The following COL5A2 variants were observed in gnomAD, a reference collection of about 807,000 sequenced individuals.
The protein encoded by COL5A2 is collagen type V alpha 2 chain.
In COL5A2, 23 loss-of-function variants were observed where a neutral mutation model predicts 208.2. That is an observed-to-expected ratio of 0.11 (90% CI 0.08 to 0.16). COL5A2 has a LOEUF of 0.16. COL5A2 is among the 10% of genes least tolerant of loss of function. COL5A2 has a pLI of 1.00. For synonymous variants in COL5A2, 625 were observed against 628.5 expected (o/e 0.99, Z 0.08); for missense variants, 1,590 against 1,956.4 (o/e 0.81, Z 3.53).
At chr2:189,301,306 C>T in the COL5A2 span, among the ~76,000 whole-genome samples, 40 of 152,138 alleles carry the variant, frequency 2.6e-4, no homozygotes, top group African/African-American at 9.7e-4. Context: ...CAACAATATG[C>T]TTCAAATACA....
chr2:189,348,360 T>C, the COL5A2 span, among the ~76,000 whole-genome samples: 1 of 151,952 alleles, frequency 6.6e-6, no homozygotes, highest in Non-Finnish European at 1.5e-5. Context: ...AGAAAAAAAA[T>C]GGCAAATTAT....
chr2:189,268,829 T>C, the COL5A2 span, among the ~76,000 whole-genome samples: 1 of 152,160 alleles, frequency 6.6e-6, no homozygotes, highest in Non-Finnish European at 1.5e-5. Context: ...TGTGTATCTT[T>C]TGGTCAAGAA....
chr2:189,278,030 G>A, the COL5A2 span, among the ~76,000 whole-genome samples: 1 of 152,102 alleles, frequency 6.6e-6, no homozygotes, highest in Admixed American at 6.6e-5. Context: ...GCCAGCAGCT[G>A]ACACTGAAAG....
the COL5A2 span, among the ~76,000 whole-genome samples, chr2:189,362,274 T>C: frequency 6.6e-6 from 1 of 152,140 alleles, no homozygotes; most frequent in Non-Finnish European, 1.5e-5. Context: ...TAGACAATCA[T>C]ATAATGGCTT....
At chr2:189,130,309 C>T (rs1687686171) in intron 1 of COL5A2, among the ~76,000 whole-genome samples, 1 of 152,018 alleles carries the variant, frequency 6.6e-6, no homozygotes, top group Non-Finnish European at 1.5e-5. Flanking sequence ...ATGAAATAGA[C>T]TTCTAGAAGT....
At chr2:189,277,939 T>G in the COL5A2 span, among the ~76,000 whole-genome samples, 1 of 152,092 alleles carries the variant, frequency 6.6e-6, no homozygotes, top group Admixed American at 6.6e-5. Context: ...AGGAGGTCAA[T>G]AGTGCCCCCA....
chr2:189,053,924 C>G lies in COL5A2; in HGVS notation c.2470G>C (p.Val824Leu). The G allele has an allele frequency of 1.2e-6, 2 of 1,614,050 alleles. No homozygotes were observed. The highest frequency in any genetic ancestry group is 1.7e-6 in the Non-Finnish European group (2 of 1,179,984). ...EKGEPGPRGL[V>L]GPPGSRGNPG... is the part of the protein sequence containing the mutation. Reference sequence around the variant, plus strand: ...TTGCCCCGGGAGCCAGGAGGGCCAACTAAACCTCGAGGACCAGGTTCACCC... The same window carrying G: ...TTGCCCCGGGAGCCAGGAGGGCCAAGTAAACCTCGAGGACCAGGTTCACCC... The change falls in exon 37 of 54, where the codon GTT becomes CTT. Residue 824 changes from valine to leucine, a missense_variant. Val to Leu is a conservative substitution (Grantham distance 32, BLOSUM62 1). Transcript: ENST00000374866.
the COL5A2 span, among the ~76,000 whole-genome samples, chr2:189,301,111 C>A: frequency 6.6e-6 from 1 of 151,980 alleles, no homozygotes; most frequent in African/African-American, 2.4e-5. Context: ...GCTTTGAACC[C>A]AGGAAGTAGA....
At chr2:189,372,542 T>C in the COL5A2 span, among the ~76,000 whole-genome samples, 2 of 152,230 alleles carry the variant, frequency 1.3e-5, no homozygotes, top group East Asian at 3.9e-4. Context: ...AAGAAGTTCA[T>C]CTCTCATTGT....
At chr2:189,206,723 A>G (rs1246234582) in intron 1 of COL5A2, among the ~76,000 whole-genome samples, 2 of 152,066 alleles carry the variant, frequency 1.3e-5, no homozygotes, top group Non-Finnish European at 2.9e-5. Context: ...CTTGAGATCA[A>G]TAAAATATGG....
At chr2:189,156,643 T>C (rs554808746) in intron 1 of COL5A2, among the ~76,000 whole-genome samples, 1 of 152,266 alleles carries the variant, frequency 6.6e-6, no homozygotes, top group Non-Finnish European at 1.5e-5. Context: ...ACATTGATGC[T>C]TTAGTATGAA....
the COL5A2 span, among the ~76,000 whole-genome samples, chr2:189,399,252 A>ATTT: frequency 2.2e-4 from 31 of 140,550 alleles, no homozygotes; most frequent in Admixed American, 1.0e-3. Context: ...TTATTTTACG[A>ATTT]TTTTTTTTTT....
At chr2:189,274,982 T>A in the COL5A2 span, among the ~76,000 whole-genome samples, 1 of 152,160 alleles carries the variant, frequency 6.6e-6, no homozygotes, top group Non-Finnish European at 1.5e-5. Flanking sequence ...ATCTTTTTCT[T>A]TACTTATGAA....
chr2:189,212,964 A>C (rs904118951), intron 1 of COL5A2, among the ~76,000 whole-genome samples: 1 of 151,670 alleles, frequency 6.6e-6, no homozygotes, highest in African/African-American at 2.4e-5. Context: ...TCTGAGCTCA[A>C]TGTAACCTCT....
chr2:189,123,938 A>G (rs1246798107), intron 1 of COL5A2, among the ~76,000 whole-genome samples: 1 of 152,148 alleles, frequency 6.6e-6, no homozygotes, highest in African/African-American at 2.4e-5. Flanking sequence ...TATGTTAGAG[A>G]AAAGATAAGG....
chr2:189,387,278 C>A, the COL5A2 span, among the ~76,000 whole-genome samples: 1 of 151,918 alleles, frequency 6.6e-6, no homozygotes, highest in Non-Finnish European at 1.5e-5. Flanking sequence ...TACACATGGA[C>A]AAAAAGATGG....
chr2:189,151,368 C>CA (rs1209287423), intron 1 of COL5A2, among the ~76,000 whole-genome samples: 1 of 152,062 alleles, frequency 6.6e-6, no homozygotes, highest in Non-Finnish European at 1.5e-5. Flanking sequence ...GGCATAATGA[C>CA]AAATGAAGCA....
the COL5A2 span, among the ~76,000 whole-genome samples, chr2:189,285,300 T>C: frequency 2.6e-5 from 4 of 151,914 alleles, no homozygotes; most frequent in East Asian, 7.7e-4. Flanking sequence ...TCCCCAAGGC[T>C]CGACAAATCA....
chr2:189,181,644 C>T (rs781047522), upstream of COL5A2, among the ~76,000 whole-genome samples: 9 of 152,120 alleles, frequency 5.9e-5, no homozygotes, highest in African/African-American at 1.4e-4. Context: ...AAGTGCAAGA[C>T]GGCAGACATT....
Sources: allele counts gnomAD v4.1 joint callset (sites outside exome capture counted in the v4.1 genomes callset), GRCh38; gene constraint gnomAD v4.1.1; transcripts MANE v1.5; gene names NCBI Gene and HGNC (gene_info 2026-07-23, HGNC 2026-07-21).